Variants in OGFOD3 observed in about 807,000 individuals in gnomAD.
OGFOD3 encodes 2-oxoglutarate and iron-dependent oxygenase domain-containing protein 3.
OGFOD3 carries 35 observed loss-of-function variants against 39.8 expected under a neutral mutation model. The observed-to-expected ratio is 0.88, with a 90% confidence interval of 0.67 to 1.17. The LOEUF (loss-of-function observed/expected upper bound fraction) is 1.17. OGFOD3 is among the 50% of genes most tolerant of loss of function. OGFOD3 has a pLI of 0.00. For missense variants in OGFOD3, 438 were observed against 454.5 expected (o/e 0.96, Z 0.33); for synonymous variants, 200 against 192.0 (o/e 1.04, Z -0.34).
chr17:82,409,441 T>A, intron 3 of OGFOD3, 31 bp from the exon 4 acceptor site: 1 of 1,608,836 alleles, frequency 6.2e-7, no homozygotes, highest in Non-Finnish European at 8.5e-7. Context: ...AGAATTTCGT[T>A]GCTAGAATTG....
intron 1 of OGFOD3, among the ~76,000 whole-genome samples, chr17:82,417,020 C>G (rs2053063364): frequency 6.6e-6 from 1 of 152,166 alleles, no homozygotes; most frequent in Admixed American, 6.5e-5. Flanking sequence ...CTGACAAAAA[C>G]TGGTACTCGG....
chr17:82,402,162 C>T (rs111236642), intron 7 of OGFOD3, among the ~76,000 whole-genome samples: 2,402 of 152,212 alleles, frequency 0.016, 29 homozygotes, highest in Admixed American at 0.024. Flanking sequence ...GGGCCAGGTG[C>T]GGTGGCTCAC....
At chr17:82,416,679 T>TA (rs113257481) in intron 1 of OGFOD3, among the ~76,000 whole-genome samples, 66,608 of 151,720 alleles carry the variant, frequency 0.44, 16,348 homozygotes, top group East Asian at 0.72. Flanking sequence ...ATTTATTATT[T>TA]TTTTTTTTGA....
intron 5 of OGFOD3, 45 bp from the exon 6 acceptor site, chr17:82,405,425 T>A: frequency 6.7e-7 from 1 of 1,492,596 alleles, no homozygotes; most frequent in Non-Finnish European, 9.4e-7. Context: ...ACTTCATTAA[T>A]CTGTTGTTCA....
At chr17:82,409,342 G>C in intron 4 of OGFOD3, 26 bp downstream of exon 4, 6 of 1,612,168 alleles carry the variant, frequency 3.7e-6, no homozygotes, top group Non-Finnish European at 5.1e-6. Flanking sequence ...GTAAAAAAAG[G>C]GGGGCAGGGA....
At chr17:82,417,686 C>T (rs1176858979) in intron 1 of OGFOD3, among the ~76,000 whole-genome samples, 1 of 151,160 alleles carries the variant, frequency 6.6e-6, no homozygotes, top group Non-Finnish European at 1.5e-5. Context: ...TAGTAGACTC[C>T]AAAAGCAGCT....
In OGFOD3 at chr17:82,392,801, G is replaced by A; in HGVS notation, c.824-267C>T. ...GGTGGGCAGGACAGAGGAAGATGCT[G>A]CAGATGAGGCCACCACTGGCTCCAG... is the stretch of plus-strand genomic sequence containing the variant. On this transcript the variant is annotated intron_variant, in intron 8 of 8. Coordinates refer to ENST00000313056, the MANE Select transcript of OGFOD3 (RefSeq NM_024648.3). The surrounding 1 kb of genome is among the most constrained non-coding windows in gnomAD (Gnocchi z 4.2). 1 of 476,998 alleles carries A rather than the reference G, an allele frequency of 2.1e-6. No homozygotes were observed. The highest frequency in any genetic ancestry group is 3.0e-5 in the South Asian group (1 of 33,244). The allele number at this position is 476,998 out of a possible 1,614,324, so 29.5% of individuals were successfully genotyped here.
At chr17:82,409,509 G>C in intron 3 of OGFOD3, 99 bp from the exon 4 acceptor site, 1 of 1,070,700 alleles carries the variant, frequency 9.3e-7, no homozygotes, top group Non-Finnish European at 1.4e-6. Flanking sequence ...ACATTAGTGG[G>C]TCCTGCGTGT....
Position 82,406,380 on chromosome 17 carries a change from T to C in OGFOD3, c.488+38A>G. Reference sequence around the variant, plus strand: ...AGAGGCACGGAGCCGCTCACTCGGCTTTCAGAGCCAGCACTGAGGTCATGC... The same window carrying C: ...AGAGGCACGGAGCCGCTCACTCGGCCTTCAGAGCCAGCACTGAGGTCATGC... On this transcript the variant is annotated intron_variant, in intron 5 of 8. Coordinates refer to ENST00000313056, the MANE Select transcript of OGFOD3 (RefSeq NM_024648.3). The surrounding 1 kb of genome is among the most constrained non-coding windows in gnomAD (Gnocchi z 5.2). 2 of 1,596,252 alleles carry C rather than the reference T, an allele frequency of 1.3e-6. No homozygotes were observed. The highest frequency in any genetic ancestry group is 8.6e-7 in the Non-Finnish European group (1 of 1,164,126).
In OGFOD3 at chr17:82,406,776, A is replaced by AT. The variant is rs551694396; in HGVS notation, c.424-295dup. ...GCCACCACACCTGGCTAATTTTTCT[A>AT]TTTTTTGTAGAGATGTGGTCTCACT... On this transcript the variant is annotated intron_variant, in intron 4 of 8. Coordinates refer to ENST00000313056, the MANE Select transcript of OGFOD3 (RefSeq NM_024648.3). The surrounding 1 kb of genome is among the most constrained non-coding windows in gnomAD (Gnocchi z 5.2). Among the ~76,000 whole-genome samples, 12 of 152,056 alleles carry AT rather than the reference A, an allele frequency of 7.9e-5. No homozygotes were observed. In the East Asian group the frequency reaches 1.4e-3, roughly 17 times the overall value.
In OGFOD3 at chr17:82,392,733, C is replaced by T. The variant is rs1402754880; in HGVS notation, c.824-199G>A. The T allele has an allele frequency of 1.5e-6, 1 of 680,432 alleles. No individual in the cohort carries two copies. The highest frequency in any genetic ancestry group is 2.4e-6 in the Non-Finnish European group (1 of 418,342). 42.1% of individuals were successfully genotyped at this position (680,432 alleles called of 1,614,324 possible). A position where few individuals can be genotyped will look rare whatever the true frequency, so the allele number is the denominator to read the frequency against. ...ACAAACGCAGCAATGCTCAGGGGCC[C>T]TGTGGCGGAGGAGGGGCCCCCCGGG... On this transcript the variant is annotated intron_variant, in intron 8 of 8. Transcript: ENST00000313056. This position sits in a 1 kb window ranked among gnomAD's most constrained non-coding sequence, Gnocchi z 4.2.
At chr17:82,401,144 C>CA (rs1187031922) in intron 7 of OGFOD3, 1 of 131,108 alleles carries the variant, frequency 7.6e-6, no homozygotes, top group Non-Finnish European at 1.6e-5. Context: ...TTGGGTTTAC[C>CA]TTTTTTTTTT....
chr17:82,395,926 G>T (rs2052665266), intron 8 of OGFOD3, among the ~76,000 whole-genome samples: 1 of 150,814 alleles, frequency 6.6e-6, no homozygotes, highest in African/African-American at 2.4e-5. Context: ...ACAATTAGAT[G>T]TATGACATCA....
chr17:82,399,000 G>A (rs1400288235), intron 7 of OGFOD3, among the ~76,000 whole-genome samples: 1 of 138,030 alleles, frequency 7.2e-6, no homozygotes, highest in Non-Finnish European at 1.6e-5. Flanking sequence ...TGTAGAGGTT[G>A]GGGCGGGGTG....
chr17:82,392,747 G>T lies in OGFOD3; in HGVS notation c.824-213C>A. ...GCTCAGGGGCCCTGTGGCGGAGGAGGGGCCCCCCGGGGCCAGCAGGGACTC... is the reference window on the plus strand; with the variant it reads ...GCTCAGGGGCCCTGTGGCGGAGGAGTGGCCCCCCGGGGCCAGCAGGGACTC... On this transcript the variant is annotated intron_variant, in intron 8 of 8. Transcript: ENST00000313056. The surrounding 1 kb of genome is among the most constrained non-coding windows in gnomAD (Gnocchi z 4.2). The T allele has an allele frequency of 1.7e-6, 1 of 602,536 alleles. No individual in the cohort carries two copies. Among genetic ancestry groups the T allele is most frequent in the Non-Finnish European group, 2.9e-6 (1 of 349,044 alleles). 37.3% of individuals were successfully genotyped at this position (602,536 alleles called of 1,614,324 possible).
intron 7 of OGFOD3, among the ~76,000 whole-genome samples, chr17:82,399,645 T>C (rs187446018): frequency 6.6e-6 from 1 of 152,148 alleles, no homozygotes; most frequent in East Asian, 1.9e-4. Context: ...AGTCCTGCCC[T>C]CTCCATTCCG....
Position 82,392,251 on chromosome 17 carries a change from G to A in OGFOD3, c.*147C>T, listed in dbSNP as rs2052605941. 4.5e-6 allele frequency: 4 copies of A among 888,848 alleles called. No individual in the cohort carries two copies. Among genetic ancestry groups the A allele is most frequent in the Non-Finnish European group, 6.7e-6 (4 of 593,804 alleles). 55.1% of individuals were successfully genotyped at this position (888,848 alleles called of 1,614,324 possible). A position where few individuals can be genotyped will look rare whatever the true frequency, so the allele number is the denominator to read the frequency against. On this transcript the variant is annotated 3_prime_UTR_variant, in exon 9 of 9. Transcript: ENST00000313056. The surrounding 1 kb of genome is among the most constrained non-coding windows in gnomAD (Gnocchi z 4.2). ...TGGTTCCCTTCATTTACTCACAGAT[G>A]AAAAGATTAACACGTCAGCAAATCA...
At position 82,408,986 on chromosome 17, in the gene OGFOD3, C is replaced by T. The variant is rs1307883508; in HGVS notation, c.423+382G>A. The stretch of plus-strand genomic sequence containing the variant: ...GCGTGTCTGTCCCACGGAGGCCCTG[C>T]TGTTTCCCGGCAGCTCCACGGGCTC... On this transcript the variant is annotated intron_variant, in intron 4 of 8. Transcript: ENST00000313056. Among the ~76,000 whole-genome samples, 5 of 152,226 alleles carry T rather than the reference C, an allele frequency of 3.3e-5. No homozygotes were observed. The East Asian group carries it at 9.6e-4, about 29-fold the overall frequency.
At chr17:82,416,866 G>A (rs2053056797) in intron 1 of OGFOD3, among the ~76,000 whole-genome samples, 2 of 151,870 alleles carry the variant, frequency 1.3e-5, no homozygotes, top group African/African-American at 2.4e-5. Flanking sequence ...ATAGAGACGG[G>A]GTTTCACCAC....
Sources: gnomAD v4.1 joint callset for allele counts (sites outside exome capture counted in the v4.1 genomes callset) on GRCh38, gnomAD v4.1.1 for gene constraint, Gnocchi (gnomAD v3.1) non-coding constraint, MANE v1.5 for transcripts, NCBI Gene and HGNC (gene_info 2026-07-23, HGNC 2026-07-21) for gene names.